CCDC192: variants seen among roughly 807,000 people sequenced by gnomAD.
The protein encoded by CCDC192 is coiled-coil domain containing 192, also known as coiled-coil domain-containing protein 192.
intron 2 of CCDC192, among the ~76,000 whole-genome samples, chr5:127,745,184 G>C (rs1322246000): frequency 2.6e-5 from 4 of 152,158 alleles, no homozygotes; most frequent in Non-Finnish European, 5.9e-5. Flanking sequence ...CGCACATGAA[G>C]TTGGATCAGT....
At chr5:127,814,295 C>T (rs115667998) in intron 5 of CCDC192, among the ~76,000 whole-genome samples, 1,801 of 152,282 alleles carry the variant, frequency 0.012, 38 homozygotes, top group African/African-American at 0.041. Flanking sequence ...AATAAGAATA[C>T]AGCTAAATGT....
intron 3 of CCDC192, chr5:127,784,881 G>T: frequency 2.2e-6 from 1 of 451,498 alleles, no homozygotes. Flanking sequence ...TCAGTTTCAT[G>T]GGCACATTGA....
intron 2 of CCDC192, among the ~76,000 whole-genome samples, chr5:127,725,826 A>T (rs944397786): frequency 4.6e-5 from 7 of 152,204 alleles, no homozygotes; most frequent in African/African-American, 1.7e-4. Context: ...AATGAAGCTA[A>T]AAACAACATA....
chr5:127,738,051 T>G (rs1753134359), intron 2 of CCDC192, among the ~76,000 whole-genome samples: 1 of 152,182 alleles, frequency 6.6e-6, no homozygotes, highest in Admixed American at 6.5e-5. Flanking sequence ...TTTGGCATGA[T>G]TTTGCAACAG....
chr5:127,782,112 G>A (rs541847213), intron 3 of CCDC192, among the ~76,000 whole-genome samples: 1 of 152,076 alleles, frequency 6.6e-6, no homozygotes, highest in East Asian at 1.9e-4. Context: ...TTCTGTTTTT[G>A]TGGTGCATCA....
At chr5:127,814,755 C>A (rs577966452) in intron 5 of CCDC192, among the ~76,000 whole-genome samples, 37 of 152,272 alleles carry the variant, frequency 2.4e-4, no homozygotes, top group East Asian at 1.7e-3. Flanking sequence ...CAATCCCTTG[C>A]TGGTTAGTTT....
chr5:127,706,146 CAT>C (rs150904121), intron 1 of CCDC192, among the ~76,000 whole-genome samples: 3,034 of 152,148 alleles, frequency 0.02, 54 homozygotes, highest in African/African-American at 0.046. Flanking sequence ...AAAAGAGAGA[CAT>C]GTGCACAGAA....
intron 6 of CCDC192, among the ~76,000 whole-genome samples, chr5:127,930,399 C>A (rs1361554710): frequency 6.6e-6 from 1 of 152,178 alleles, no homozygotes; most frequent in African/African-American, 2.4e-5. Context: ...CATGGACTCT[C>A]CCTCCTGGAA....
At chr5:127,749,553 A>G (rs111855892) in intron 2 of CCDC192, among the ~76,000 whole-genome samples, 2 of 151,940 alleles carry the variant, frequency 1.3e-5, no homozygotes, top group South Asian at 4.2e-4. Flanking sequence ...ATGTTCATCA[A>G]GGATATTGTT....
At chr5:127,899,453 C>T (rs1040719455) in intron 6 of CCDC192, among the ~76,000 whole-genome samples, 3 of 151,052 alleles carry the variant, frequency 2.0e-5, no homozygotes, top group Non-Finnish European at 2.9e-5. Context: ...CTGGCTTAAT[C>T]ATAAAGCCTC....
chr5:127,761,534 A>ATGTGTATGTTGGAGTG (rs1335582199), intron 3 of CCDC192, among the ~76,000 whole-genome samples: 1 of 151,996 alleles, frequency 6.6e-6, no homozygotes, highest in Non-Finnish European at 1.5e-5. Flanking sequence ...CTCTATGTGC[A>ATGTGTATGTTGGAGTG]TGTGTATGTT....
chr5:127,903,361 G>T (rs1236069083), intron 6 of CCDC192, among the ~76,000 whole-genome samples: 1 of 151,886 alleles, frequency 6.6e-6, no homozygotes, highest in African/African-American at 2.4e-5. Flanking sequence ...TCCTGCCTCA[G>T]CCTCCTGAGT....
intron 5 of CCDC192, among the ~76,000 whole-genome samples, chr5:127,870,902 T>C (rs1751826678): frequency 6.6e-6 from 1 of 152,268 alleles, no homozygotes; most frequent in African/African-American, 2.4e-5. Context: ...GAAGAACCTA[T>C]GTATACCTTC....
intron 5 of CCDC192, among the ~76,000 whole-genome samples, chr5:127,847,516 T>C (rs17164608): frequency 0.026 from 3,965 of 152,210 alleles, 113 homozygotes; most frequent in African/African-American, 0.074. Context: ...AGATAAGATG[T>C]TTGACTTCCC....
At chr5:127,768,760 TA>T (rs1274547450) in intron 3 of CCDC192, among the ~76,000 whole-genome samples, 1 of 152,202 alleles carries the variant, frequency 6.6e-6, no homozygotes, top group Admixed American at 6.5e-5. Context: ...GGGGTTAAGA[TA>T]AAGATTTTGT....
At chr5:127,785,174 A>G (rs565699437) in intron 3 of CCDC192, 283 of 528,172 alleles carry the variant, frequency 5.4e-4, no homozygotes, top group African/African-American at 4.8e-3. Context: ...TTAGTTACCA[A>G]TTCTCCTTTA....
chr5:127,863,026 TA>T (rs1426331201), intron 5 of CCDC192, among the ~76,000 whole-genome samples: 1 of 151,656 alleles, frequency 6.6e-6, no homozygotes, highest in African/African-American at 2.4e-5. Context: ...ACCAGAACCA[TA>T]TAATAAGATC....
In CCDC192 at chr5:127,754,492, C is replaced by T. The variant is rs1023904688; in HGVS notation, c.222+117C>T. On this transcript the variant is annotated intron_variant, in intron 3 of 6. Coordinates refer to ENST00000514853, the MANE Select transcript of CCDC192 (RefSeq NM_001317938.2). ...ACTGATACACACACACACACACACA[C>T]ATACACACACACACACACACATTGC... is the stretch of plus-strand genomic sequence containing the variant. 7.4e-3 allele frequency: 1,878 copies of T among 255,154 alleles called. 1 individual carries two copies. The highest frequency in any genetic ancestry group is 0.01 in the East Asian group (180 of 17,376). 15.8% of individuals were successfully genotyped at this position (255,154 alleles called of 1,614,324 possible).
rs554519257 is a variant in CCDC192, at chr5:127,780,632, C to T, written c.223-16471C>T. On this transcript the variant is annotated intron_variant, in intron 3 of 6. Transcript: ENST00000514853. ...CATTTGTATATCTCATTTTCAGAAT[C>T]GTCTATTCATGTCTGTAGCCCACTT... is the stretch of plus-strand genomic sequence containing the variant. Among the ~76,000 whole-genome samples, 8 of 152,090 alleles carry T rather than the reference C, an allele frequency of 5.3e-5. No individual in the cohort carries two copies. The East Asian group carries it at 1.4e-3, about 26-fold the overall frequency.
Sources: gnomAD v4.1 joint callset for allele counts (sites outside exome capture counted in the v4.1 genomes callset) on GRCh38, gnomAD v4.1.1 for gene constraint, MANE v1.5 for transcripts, NCBI Gene and HGNC (gene_info 2026-07-23, HGNC 2026-07-21) for gene names.